The following MAOA variants were observed in gnomAD, a reference collection of about 807,000 sequenced individuals.
MAOA encodes monoamine oxidase A, also known as amine oxidase [flavin-containing] A.
MAOA carries 6 observed loss-of-function variants against 42.0 expected under a neutral mutation model. That is an observed-to-expected ratio of 0.14 (90% CI 0.08 to 0.28). The LOEUF is 0.28. MAOA is among the 10% of genes least tolerant of loss of function. The probability of loss-of-function intolerance (pLI) is 1.00; values close to 1 mark genes in which losing one functional copy is unlikely to be tolerated. For missense variants in MAOA, 262 were observed against 422.3 expected (o/e 0.62, Z 3.33); for synonymous variants, 140 against 154.0 (o/e 0.91, Z 0.67).
intron 1 of MAOA, among the ~76,000 whole-genome samples, chrX:43,673,427 T>G (rs746496135): frequency 1.2e-4 from 13 of 110,945 alleles, no homozygotes; most frequent in Admixed American, 6.7e-4. Flanking sequence ...GGTTTTTTTT[T>G]TTGTTGTCTC....
rs1270029287 is a variant in MAOA at position 43,683,552 on chromosome X, G to A, written c.113G>A (p.Ser38Asn). The A allele has an allele frequency of 2.5e-6, 3 of 1,209,447 alleles. No individual in the cohort carries two copies. In the Admixed American group the frequency reaches 6.6e-5, roughly 26 times the overall value. ...AAKLLTEYGV[S>N]VLVLEARDRV... ...AAACTCTTGACTGAATATGGCGTTA[G>A]TGTTTTGGTTTTAGAAGCTCGGGAC... is the stretch of plus-strand genomic sequence containing the variant. The change falls in exon 2 of 15, where the codon AGT becomes AAT. Residue 38 changes from serine to asparagine, a missense_variant. Physicochemically the swap from Ser to Asn is conservative, Grantham distance 46. Transcript: ENST00000338702.
At chrX:43,697,578 T>C (rs2033591098) in intron 3 of MAOA, among the ~76,000 whole-genome samples, 1 of 112,389 alleles carries the variant, frequency 8.9e-6, no homozygotes, top group Non-Finnish European at 1.9e-5. Flanking sequence ...GAATACTTAA[T>C]CTCATCGAAT....
At chrX:43,738,150 G>T (rs2033933871) in intron 10 of MAOA, among the ~76,000 whole-genome samples, 2 of 112,379 alleles carry the variant, frequency 1.8e-5, no homozygotes, top group South Asian at 7.3e-4. Flanking sequence ...AGGTGATTAT[G>T]ATAAGCAACC....
At chrX:43,676,647 C>A (rs1192325021) in intron 1 of MAOA, among the ~76,000 whole-genome samples, 1 of 111,616 alleles carries the variant, frequency 9.0e-6, no homozygotes, top group African/African-American at 3.3e-5. Flanking sequence ...ATTATTTCAA[C>A]AAATATTTCC....
At chrX:43,693,872 G>C (rs1212560813) in intron 3 of MAOA, among the ~76,000 whole-genome samples, 1 of 111,325 alleles carries the variant, frequency 9.0e-6, no homozygotes, top group Non-Finnish European at 1.9e-5. Flanking sequence ...GAGCTCCAAG[G>C]AACACAAGAG....
At chrX:43,695,747 AAAT>A (rs943600477) in intron 3 of MAOA, among the ~76,000 whole-genome samples, 2 of 111,415 alleles carry the variant, frequency 1.8e-5, no homozygotes, top group African/African-American at 6.5e-5. Context: ...TAAAAATAAA[AAAT>A]AATAAAAGTA....
intron 1 of MAOA, among the ~76,000 whole-genome samples, chrX:43,673,695 T>C (rs1316431334): frequency 1.8e-5 from 2 of 111,130 alleles, no homozygotes; most frequent in African/African-American, 3.3e-5. Context: ...GCCTTCATTT[T>C]GTTATGTACC....
intron 5 of MAOA, among the ~76,000 whole-genome samples, chrX:43,717,201 C>T (rs1474339017): frequency 1.8e-5 from 2 of 110,494 alleles, no homozygotes; most frequent in Non-Finnish European, 3.8e-5. Context: ...GTGACTAAGT[C>T]TCTGGGGGGA....
At chrX:43,728,046 C>A (rs914240233) in intron 5 of MAOA, 127 bp from the exon 6 acceptor site, 4 of 640,673 alleles carry the variant, frequency 6.2e-6, no homozygotes. Context: ...GAAATTGAAT[C>A]CTTGAGAGTT....
At chrX:43,712,319 T>A (rs1321915780) in intron 4 of MAOA, among the ~76,000 whole-genome samples, 3 of 111,461 alleles carry the variant, frequency 2.7e-5, no homozygotes, top group African/African-American at 9.8e-5. Context: ...TGTAATGCCA[T>A]TTTAGATAGT....
chrX:43,744,561 A>G lies in MAOA; in HGVS notation c.*48A>G. Reference sequence around the variant, plus strand: ...CTCACTGGTTTTCAATACCACCAAGAGGAAAATATTGACAAGTTTAAAGGC... The same window carrying G: ...CTCACTGGTTTTCAATACCACCAAGGGGAAAATATTGACAAGTTTAAAGGC... On this transcript the variant is annotated 3_prime_UTR_variant, in exon 15 of 15. Transcript: ENST00000338702. The G allele has an allele frequency of 8.5e-7, 1 of 1,175,425 alleles. No homozygotes were observed.
At chrX:43,711,104 A>C (rs138427498) in intron 3 of MAOA, among the ~76,000 whole-genome samples, 400 of 111,774 alleles carry the variant, frequency 3.6e-3, no homozygotes, top group Middle Eastern at 9.3e-3. Flanking sequence ...CCAAGCTCAG[A>C]TAACAGGCTC....
chrX:43,732,855 C>T, intron 9 of MAOA, 60 bp downstream of exon 9: 2 of 756,077 alleles, frequency 2.6e-6, no homozygotes, highest in Non-Finnish European at 4.2e-6. Context: ...GGTGTGGATG[C>T]TGTCAAAGTA....
intron 3 of MAOA, among the ~76,000 whole-genome samples, chrX:43,710,899 G>A (rs963466680): frequency 1.8e-5 from 2 of 112,479 alleles, no homozygotes; most frequent in African/African-American, 6.5e-5. Context: ...ATGTGAGGCT[G>A]GAGGACCACA....
intron 5 of MAOA, among the ~76,000 whole-genome samples, chrX:43,720,492 G>GGGAAACA (rs1421597843): frequency 9.1e-6 from 1 of 110,198 alleles, no homozygotes; most frequent in Non-Finnish European, 1.9e-5. Context: ...CTGGGAATGG[G>GGGAAACA]GGAAACAGGA....
chrX:43,736,699 G>A (rs905089580), intron 10 of MAOA, among the ~76,000 whole-genome samples: 3 of 110,835 alleles, frequency 2.7e-5, no homozygotes, highest in Non-Finnish European at 5.7e-5. Context: ...CTGCTTATCT[G>A]GGACACAGTT....
chrX:43,657,084 C>CTGTG (rs10560402), intron 1 of MAOA, among the ~76,000 whole-genome samples: 1,605 of 71,206 alleles, frequency 0.023, 94 homozygotes, highest in African/African-American at 0.07. Flanking sequence ...TAAACTATTC[C>CTGTG]TGTGTGTGTG....
chrX:43,655,583 A>G (rs2033171641), upstream of MAOA: 1 of 110,829 alleles, frequency 9.0e-6, no homozygotes, highest in African/African-American at 3.3e-5. Flanking sequence ...TTCCCTGGGT[A>G]TTAGTAACAG....
intron 5 of MAOA, among the ~76,000 whole-genome samples, chrX:43,725,446 C>G (rs1250084938): frequency 9.0e-6 from 1 of 110,620 alleles, no homozygotes; most frequent in Non-Finnish European, 1.9e-5. Flanking sequence ...CTCTTTTGAC[C>G]TTTGTTCGTT....
Sources: allele counts gnomAD v4.1 joint callset (sites outside exome capture counted in the v4.1 genomes callset), GRCh38; gene constraint gnomAD v4.1.1; transcripts MANE v1.5; gene names NCBI Gene and HGNC (gene_info 2026-07-23, HGNC 2026-07-21).